Variants in NAALADL2 observed in about 807,000 individuals in gnomAD.
NAALADL2 encodes N-acetylated alpha-linked acidic dipeptidase like 2.
Under a neutral mutation model 87.2 loss-of-function variants are expected in NAALADL2, and 76 were observed. The observed-to-expected ratio is 0.87, with a 90% CI of 0.72 to 1.05. NAALADL2 has a LOEUF of 1.05. Ranked by LOEUF, NAALADL2 falls within the 50% of genes least tolerant of loss-of-function variation. The probability of loss-of-function intolerance (pLI) is 0.00; values close to 1 mark genes in which losing one functional copy is unlikely to be tolerated. For missense variants in NAALADL2, 1,089 were observed against 945.8 expected, an observed-to-expected ratio of 1.15 and a Z score of -1.99; for synonymous variants, 354 against 331.0, an observed-to-expected ratio of 1.07 and a Z score of -0.75.
intron 10 of NAALADL2, among the ~76,000 whole-genome samples, chr3:175,625,244 G>C (rs868347758): frequency 1.3e-5 from 2 of 151,902 alleles, no homozygotes; most frequent in Non-Finnish European, 2.9e-5. Flanking sequence ...CATAACCTCA[G>C]GTCTATTTTA....
At chr3:175,417,095 C>A (rs1013164574) in intron 5 of NAALADL2, among the ~76,000 whole-genome samples, 8 of 108,564 alleles carry the variant, frequency 7.4e-5, no homozygotes, top group Admixed American at 1.0e-4. Flanking sequence ...AACAAGCAGC[C>A]AAAATACAGA....
At chr3:174,763,715 C>T (rs1713396232) in intron 3 of NAALADL2, among the ~76,000 whole-genome samples, 1 of 147,502 alleles carries the variant, frequency 6.8e-6, no homozygotes, top group Admixed American at 6.8e-5. Flanking sequence ...GAAAAATAAC[C>T]ATAAAAATGG....
chr3:175,146,715 T>C (rs1164362731), intron 2 of NAALADL2, among the ~76,000 whole-genome samples: 2 of 152,298 alleles, frequency 1.3e-5, no homozygotes, highest in Admixed American at 6.5e-5. Context: ...TTTTCCCTTG[T>C]AATTACTTGA....
At chr3:174,540,250 G>T (rs559481041) in intron 1 of NAALADL2, among the ~76,000 whole-genome samples, 10 of 152,152 alleles carry the variant, frequency 6.6e-5, no homozygotes, top group Non-Finnish European at 1.2e-4. Flanking sequence ...TGAGCTAGGC[G>T]TCAGTGAAGG....
intron 1 of NAALADL2, among the ~76,000 whole-genome samples, chr3:174,511,154 G>A (rs1392001414): frequency 2.6e-5 from 4 of 151,878 alleles, no homozygotes; most frequent in Non-Finnish European, 4.4e-5. Flanking sequence ...TTATAAATAC[G>A]GAATGGGCTA....
chr3:175,377,227 G>A (rs569052484), intron 5 of NAALADL2, among the ~76,000 whole-genome samples: 10 of 151,998 alleles, frequency 6.6e-5, no homozygotes, highest in Admixed American at 3.9e-4. Context: ...CTCGAGAATC[G>A]AATGAACCCA....
At chr3:174,608,382 G>T (rs1290654637) in intron 2 of NAALADL2, among the ~76,000 whole-genome samples, 6 of 151,004 alleles carry the variant, frequency 4.0e-5, no homozygotes, top group Non-Finnish European at 8.9e-5. Context: ...CCAGGAGCTG[G>T]TTTTTTGAAA....
At chr3:175,459,647 G>T (rs926572326) in intron 6 of NAALADL2, among the ~76,000 whole-genome samples, 1 of 152,052 alleles carries the variant, frequency 6.6e-6, no homozygotes, top group East Asian at 1.9e-4. Flanking sequence ...GTGAAAAAGG[G>T]TTCGATATTA....
intron 2 of NAALADL2, among the ~76,000 whole-genome samples, chr3:175,167,073 G>A (rs1734108720): frequency 6.6e-6 from 1 of 151,930 alleles, no homozygotes; most frequent in Admixed American, 6.6e-5. Flanking sequence ...GGATCTTCCT[G>A]TCTCCATTCT....
At chr3:174,667,220 T>G (rs1180076528) in intron 2 of NAALADL2, among the ~76,000 whole-genome samples, 1 of 152,166 alleles carries the variant, frequency 6.6e-6, no homozygotes, top group East Asian at 1.9e-4. Context: ...TTGGTAATTC[T>G]GTAAGCGAAA....
At chr3:175,351,981 C>T (rs1309025056) in intron 5 of NAALADL2, among the ~76,000 whole-genome samples, 1 of 152,108 alleles carries the variant, frequency 6.6e-6, no homozygotes, top group African/African-American at 2.4e-5. Context: ...AGGATTAACC[C>T]TCTGCAATAA....
chr3:174,523,656 A>G (rs1217449325), intron 1 of NAALADL2: 1 of 152,226 alleles, frequency 6.6e-6, no homozygotes, highest in Non-Finnish European at 1.5e-5. Flanking sequence ...AATAGAAAAC[A>G]GTTGAAATTT....
At chr3:174,551,108 A>C (rs2108490585) in intron 2 of NAALADL2, 1 of 152,254 alleles carries the variant, frequency 6.6e-6, no homozygotes, top group African/African-American at 2.4e-5. Context: ...CTCGTCATTT[A>C]GCATCAGGTA....
intron 4 of NAALADL2, among the ~76,000 whole-genome samples, chr3:175,289,151 C>T (rs1014599413): frequency 1.3e-5 from 2 of 151,784 alleles, no homozygotes; most frequent in African/African-American, 2.4e-5. Flanking sequence ...AAAAAATTAA[C>T]ATTTTTGGCA....
chr3:175,693,601 ACT>A (rs1167822002), intron 11 of NAALADL2, among the ~76,000 whole-genome samples: 3 of 151,860 alleles, frequency 2.0e-5, no homozygotes, highest in Admixed American at 1.3e-4. Context: ...GTCAGACTTG[ACT>A]CTTATCATAG....
rs1299883452 is a variant in NAALADL2, at chr3:174,825,943, C to T, written c.-9+88197C>T. ...TCAGGAGGCTGAGGCAGGAGAATGG[C>T]GTGAACCCTGGAGGCGGAGCTTGCA... On this transcript the variant is annotated intron_variant, in intron 3 of 3. Coordinates refer to the NAALADL2 transcript ENST00000434257. 9.2e-5 allele frequency among the ~76,000 whole-genome samples: 14 copies of T among 152,126 alleles called. No homozygotes were observed. In the East Asian group the frequency reaches 1.4e-3, roughly 15 times the overall value.
intron 3 of NAALADL2, among the ~76,000 whole-genome samples, chr3:174,793,520 T>TGTGG (rs927683436): frequency 2.6e-5 from 4 of 152,264 alleles, no homozygotes; most frequent in Admixed American, 6.5e-5. Context: ...CCACCAAAGC[T>TGTGG]GTGGTCAAAT....
chr3:174,607,405 C>T (rs1333492006), intron 2 of NAALADL2, among the ~76,000 whole-genome samples: 6 of 151,254 alleles, frequency 4.0e-5, no homozygotes, highest in Non-Finnish European at 7.4e-5. Flanking sequence ...CATCAGTGTG[C>T]TGTATTCAGG....
At chr3:174,757,727 A>T (rs1005742704) in intron 3 of NAALADL2, among the ~76,000 whole-genome samples, 58 of 151,124 alleles carry the variant, frequency 3.8e-4, no homozygotes, top group Non-Finnish European at 6.3e-4. Context: ...CTGGTCTCGA[A>T]CTCCTGACCT....
Sources: allele counts gnomAD v4.1 joint callset (sites outside exome capture counted in the v4.1 genomes callset), GRCh38; gene constraint gnomAD v4.1.1; transcripts MANE v1.5; gene names NCBI Gene and HGNC (gene_info 2026-07-23, HGNC 2026-07-21).